The following DNM3 variants were observed in gnomAD, a reference collection of about 807,000 sequenced individuals.
DNM3 encodes the protein dynamin 3.
In DNM3, 47 loss-of-function variants were observed where a neutral mutation model predicts 101.6. The observed-to-expected ratio is 0.46, with a 90% confidence interval of 0.37 to 0.59. The LOEUF (loss-of-function observed/expected upper bound fraction) is 0.59, where lower values mean the gene tolerates loss of function less well. DNM3 is among the 20% of genes least tolerant of loss of function. The pLI, the probability that DNM3 is intolerant of heterozygous loss-of-function variation, is 0.00. For synonymous variants in DNM3, 385 were observed against 387.9 expected (o/e 0.99, Z 0.09); for missense variants, 849 against 1,085.7 (o/e 0.78, Z 3.06).
At chr1:172,049,061 G>T (rs1370143027) in intron 10 of DNM3, among the ~76,000 whole-genome samples, 1 of 152,124 alleles carries the variant, frequency 6.6e-6, no homozygotes, top group African/African-American at 2.4e-5. Context: ...TTTTCCTGTG[G>T]TGCATGGATG....
At chr1:172,375,843 TA>T (rs10691234) in intron 17 of DNM3, among the ~76,000 whole-genome samples, 17 of 141,162 alleles carry the variant, frequency 1.2e-4, no homozygotes, top group Non-Finnish European at 1.5e-4. Flanking sequence ...ACCCCATCTC[TA>T]AAAAAAAAAA....
intron 14 of DNM3, among the ~76,000 whole-genome samples, chr1:172,143,815 G>C (rs954456437): frequency 2.0e-5 from 3 of 152,080 alleles, no homozygotes; most frequent in Admixed American, 6.5e-5. Flanking sequence ...GTGGGTCGGT[G>C]CTCTTCTCTG....
intron 1 of DNM3, among the ~76,000 whole-genome samples, chr1:171,913,629 C>G (rs1030326001): frequency 3.3e-5 from 5 of 152,206 alleles, no homozygotes; most frequent in Non-Finnish European, 7.3e-5. Flanking sequence ...TTCTTGACCT[C>G]AGTGCTTCTT....
chr1:171,938,897 T>C (rs1467248220), intron 2 of DNM3, among the ~76,000 whole-genome samples: 2 of 152,194 alleles, frequency 1.3e-5, no homozygotes, highest in Non-Finnish European at 2.9e-5. Context: ...TTGATTGTGT[T>C]TTTTCAGGTC....
chr1:171,945,423 T>C (rs922930480), intron 2 of DNM3, among the ~76,000 whole-genome samples: 8 of 152,202 alleles, frequency 5.3e-5, no homozygotes, highest in Non-Finnish European at 1.2e-4. Context: ...AAATGTTTCA[T>C]AAAGGAGAAT....
chr1:172,056,568 C>A (rs1449352154), intron 10 of DNM3, among the ~76,000 whole-genome samples: 3 of 152,132 alleles, frequency 2.0e-5, no homozygotes, highest in African/African-American at 7.2e-5. Flanking sequence ...GGGAGGCACC[C>A]CCAAGCAGGG....
chr1:172,311,003 C>A (rs529647520), intron 16 of DNM3: 1 of 152,218 alleles, frequency 6.6e-6, no homozygotes, highest in Non-Finnish European at 1.5e-5. Context: ...GGTTACCTAG[C>A]CTTTTCACAT....
intron 17 of DNM3, among the ~76,000 whole-genome samples, chr1:172,374,829 T>A (rs572055844): frequency 1.3e-5 from 2 of 152,228 alleles, no homozygotes; most frequent in South Asian, 4.1e-4. Context: ...CAGATTTTGC[T>A]TTACAATATC....
chr1:172,306,615 C>T (rs557344699), intron 15 of DNM3, among the ~76,000 whole-genome samples: 124 of 152,340 alleles, frequency 8.1e-4, no homozygotes, highest in African/African-American at 2.7e-3. Flanking sequence ...CATCACACTA[C>T]CTGACTTCAA....
chr1:171,996,042 T>A (rs1223022865), intron 4 of DNM3, among the ~76,000 whole-genome samples: 1 of 152,152 alleles, frequency 6.6e-6, no homozygotes, highest in Non-Finnish European at 1.5e-5. Context: ...AATATTCAGA[T>A]TGAAAACTTC....
chr1:172,224,498 A>G (rs1235564199), intron 14 of DNM3, among the ~76,000 whole-genome samples: 1 of 152,080 alleles, frequency 6.6e-6, no homozygotes, highest in African/African-American at 2.4e-5. Flanking sequence ...TAATGTTTTG[A>G]TGAAGATGAG....
At chr1:172,062,881 CA>C (rs1348737581) in intron 10 of DNM3, among the ~76,000 whole-genome samples, 2 of 152,142 alleles carry the variant, frequency 1.3e-5, no homozygotes, top group African/African-American at 4.8e-5. Flanking sequence ...GTGTTGTGCG[CA>C]GATGACTGCC....
chr1:172,269,782 A>G (rs189820556), intron 15 of DNM3, among the ~76,000 whole-genome samples: 1 of 152,290 alleles, frequency 6.6e-6, no homozygotes, highest in African/African-American at 2.4e-5. Flanking sequence ...TGAATTTGTG[A>G]TAGCGTGGGG....
intron 14 of DNM3, among the ~76,000 whole-genome samples, chr1:172,161,769 C>G (rs1303147428): frequency 6.6e-6 from 1 of 152,012 alleles, no homozygotes; most frequent in Non-Finnish European, 1.5e-5. Flanking sequence ...AGCCACAGTT[C>G]ATCTTCTGAG....
chr1:171,963,643 A>G (rs1017935789), intron 2 of DNM3, among the ~76,000 whole-genome samples: 8 of 152,054 alleles, frequency 5.3e-5, no homozygotes, highest in Admixed American at 3.9e-4. Context: ...GGAACTCTGT[A>G]CTTTCTGGTC....
intron 17 of DNM3, among the ~76,000 whole-genome samples, chr1:172,343,653 A>G (rs747399742): frequency 2.0e-5 from 3 of 152,190 alleles, no homozygotes; most frequent in Admixed American, 6.5e-5. Context: ...CCTCAACCCT[A>G]TAACAAAAAG....
At chr1:172,155,531 A>G (rs1029101127) in intron 14 of DNM3, among the ~76,000 whole-genome samples, 5 of 152,082 alleles carry the variant, frequency 3.3e-5, no homozygotes, top group Non-Finnish European at 5.9e-5. Context: ...TTAGCTGGCT[A>G]CACTTAATAA....
chr1:172,081,846 T>G lies in DNM3; in HGVS notation c.1437T>G (p.Ile479Met). 1.2e-6 allele frequency: 2 copies of G among 1,612,700 alleles called. No homozygotes were observed. ...TTGACTTATAGGTATTGCTATTGAT[T>G]GACATTCAAGTCTCTTACATCAACA... Reference protein sequence around the residue: ...GKTKDQVLLLIDIQVSYINTN... With the variant: ...GKTKDQVLLLMDIQVSYINTN... The change falls in exon 12 of 21, where the codon ATT becomes ATG. Residue 479 changes from isoleucine to methionine, a missense_variant. This residue lies in a region of DNM3 where 193 missense variants were observed against 238.4 expected (regional missense o/e 0.81). Transcript: ENST00000627582.
chr1:172,322,758 A>G (rs1312744460), intron 16 of DNM3, among the ~76,000 whole-genome samples: 1 of 152,070 alleles, frequency 6.6e-6, no homozygotes, highest in East Asian at 1.9e-4. Context: ...TGGAGGTCGT[A>G]ACTTGGTCTG....
Sources: gnomAD v4.1 joint callset for allele counts (sites outside exome capture counted in the v4.1 genomes callset) on GRCh38, gnomAD v4.1.1 for gene constraint, gnomAD v4.1.1 regional missense constraint, MANE v1.5 for transcripts, NCBI Gene and HGNC (gene_info 2026-07-23, HGNC 2026-07-21) for gene names.